Variants in TTC7B observed in about 807,000 individuals in gnomAD.
TTC7B encodes tetratricopeptide repeat domain 7B.
Under a neutral mutation model 106.8 loss-of-function variants are expected in TTC7B, and 28 were observed. The ratio of observed to expected loss-of-function variants is 0.26; its 90% CI spans 0.19 to 0.36. TTC7B has a LOEUF of 0.36. TTC7B is among the 10% of genes least tolerant of loss of function. The probability of loss-of-function intolerance (pLI) is 1.00; values close to 1 mark genes in which losing one functional copy is unlikely to be tolerated. For missense variants in TTC7B, 862 were observed against 1,076.4 expected, an observed-to-expected ratio of 0.80 and a Z score of 2.79; for synonymous variants, 405 against 430.6, an observed-to-expected ratio of 0.94 and a Z score of 0.74.
intron 3 of TTC7B, among the ~76,000 whole-genome samples, chr14:90,752,690 C>T (rs1268328207): frequency 2.0e-5 from 3 of 152,194 alleles, no homozygotes; most frequent in African/African-American, 7.2e-5. Flanking sequence ...CCACAGCCAC[C>T]CTGAGAGGAA....
intron 17 of TTC7B, among the ~76,000 whole-genome samples, chr14:90,594,677 T>C (rs564466191): frequency 1.3e-5 from 2 of 152,328 alleles, no homozygotes; most frequent in South Asian, 4.1e-4. Flanking sequence ...CAACTCATCA[T>C]AAAGTTTAAA....
chr14:90,715,913 C>T (rs1888637546), intron 5 of TTC7B, among the ~76,000 whole-genome samples: 1 of 152,216 alleles, frequency 6.6e-6, no homozygotes, highest in Non-Finnish European at 1.5e-5. Context: ...CTTCCGCCTT[C>T]CTCCTCTCCT....
At chr14:90,603,265 G>C in intron 17 of TTC7B, 1 of 1,289,816 alleles carries the variant, frequency 7.8e-7, no homozygotes. Context: ...ACTGAAAAAA[G>C]GGAAGGAAAA....
At chr14:90,630,480 T>C (rs1354214368) in intron 15 of TTC7B, among the ~76,000 whole-genome samples, 1 of 152,232 alleles carries the variant, frequency 6.6e-6, no homozygotes, top group Non-Finnish European at 1.5e-5. Context: ...CTTTAAAATG[T>C]AGTAAAATAT....
At chr14:90,581,616 C>T (rs1788237870) in intron 18 of TTC7B, among the ~76,000 whole-genome samples, 1 of 152,100 alleles carries the variant, frequency 6.6e-6, no homozygotes, top group African/African-American at 2.4e-5. Context: ...GATCCCAGTC[C>T]TGGAGATGCT....
At position 90,532,310 on chromosome 14, in the gene TTC7B, TAA is replaced by T. The variant is rs1273268094; in HGVS notation, c.*9056_*9057del. 6.6e-6 allele frequency: 1 copy of T among 152,226 alleles called. No individual in the cohort carries two copies. Among genetic ancestry groups the T allele is most frequent in the Non-Finnish European group, 1.5e-5 (1 of 68,044 alleles). 9.4% of individuals were successfully genotyped at this position (152,226 alleles called of 1,614,324 possible). ...AAAGAAAGAAACTCTGGAGATAATT[TAA>T]AGTTGATCCCCTATTTGTACATTAC... On this transcript the variant is annotated 3_prime_UTR_variant, in exon 20 of 20. Transcript: ENST00000328459.
intron 15 of TTC7B, among the ~76,000 whole-genome samples, chr14:90,619,644 C>CGCTGTCAATGTCCTTGGAAGAA (rs1893229534): frequency 6.6e-6 from 1 of 152,208 alleles, no homozygotes; most frequent in African/African-American, 2.4e-5. Context: ...GCACTTCACA[C>CGCTGTCAATGTCCTTGGAAGAA]GCTGTCAATG....
At chr14:90,557,054 G>A (rs1014997814) in intron 19 of TTC7B, among the ~76,000 whole-genome samples, 9 of 152,010 alleles carry the variant, frequency 5.9e-5, no homozygotes, top group Non-Finnish European at 1.3e-4. Flanking sequence ...CTTCCTGGGA[G>A]CCCCACGGCC....
At chr14:90,776,254 C>G (rs987469196) in intron 3 of TTC7B, among the ~76,000 whole-genome samples, 2 of 151,636 alleles carry the variant, frequency 1.3e-5, no homozygotes, top group African/African-American at 4.9e-5. Flanking sequence ...TTGGTAGCAG[C>G]CTGCATCAGG....
chr14:90,610,934 AC>A (rs3215800), intron 16 of TTC7B, 95 bp from the exon 17 acceptor site: 86,403 of 833,196 alleles, frequency 0.1, 4,965 homozygotes, highest in South Asian at 0.15. Context: ...GCCAATGAAT[AC>A]TTTCTGTGCA....
At chr14:90,788,935 C>G (rs965298269) in intron 1 of TTC7B, among the ~76,000 whole-genome samples, 1 of 151,378 alleles carries the variant, frequency 6.6e-6, no homozygotes, top group Admixed American at 6.6e-5. Flanking sequence ...TGCACTCCAG[C>G]TTGGCAACAG....
chr14:90,543,871 G>C (rs1012991538), intron 19 of TTC7B, among the ~76,000 whole-genome samples: 3 of 152,250 alleles, frequency 2.0e-5, no homozygotes, highest in Non-Finnish European at 2.9e-5. Context: ...CAACAGGCAA[G>C]AGGGCAGCAG....
intron 3 of TTC7B, among the ~76,000 whole-genome samples, chr14:90,769,661 C>T (rs1417707941): frequency 1.3e-5 from 2 of 152,008 alleles, no homozygotes; most frequent in Admixed American, 6.6e-5. Context: ...CCCAGCTACT[C>T]GGGAGGCTGA....
intron 17 of TTC7B, among the ~76,000 whole-genome samples, chr14:90,597,694 C>G (rs1213325244): frequency 6.6e-6 from 1 of 151,994 alleles, no homozygotes. Flanking sequence ...AAAAAAAACC[C>G]TGTACTGTAT....
chr14:90,608,271 C>G lies in TTC7B; in HGVS notation c.1966+2471G>C, dbSNP rs1264572912. ...ACACTGTCATTTCAGAATATTTTAC[C>G]CTCGTTTACAAATATGATAAGGCCT... is the stretch of plus-strand genomic sequence containing the variant. On this transcript the variant is annotated intron_variant, in intron 17 of 19. Coordinates refer to ENST00000328459, the MANE Select transcript of TTC7B (RefSeq NM_001010854.2). The surrounding 1 kb of genome is among the most constrained non-coding windows in gnomAD (Gnocchi z 5.1). 6.6e-6 allele frequency among the ~76,000 whole-genome samples: 1 copy of G among 152,130 alleles called. No homozygotes were observed. Among genetic ancestry groups the G allele is most frequent in the East Asian group, 1.9e-4 (1 of 5,196 alleles).
At chr14:90,797,946 C>T (rs1249687371) in intron 1 of TTC7B, among the ~76,000 whole-genome samples, 1 of 152,178 alleles carries the variant, frequency 6.6e-6, no homozygotes, top group Non-Finnish European at 1.5e-5. Context: ...TACGAAAGGC[C>T]ATGTCTTCAC....
rs1302443439 is a variant in TTC7B, at chr14:90,681,617, C to G, written c.951-1082G>C. Among the ~76,000 whole-genome samples the G allele has an allele frequency of 2.0e-5, 3 of 152,182 alleles. No homozygotes were observed. In the East Asian group the frequency reaches 5.8e-4, roughly 29 times the overall value. On this transcript the variant is annotated intron_variant, in intron 7 of 19. Transcript: ENST00000328459. ...AATGCAGCGCCTGGTATTCTCGTTA[C>G]AATGCTGATACCGCTGGAGGTAAGG...
intron 18 of TTC7B, among the ~76,000 whole-genome samples, chr14:90,582,771 C>G (rs1168260765): frequency 1.3e-5 from 2 of 152,212 alleles, no homozygotes; most frequent in Admixed American, 1.3e-4. Flanking sequence ...CCCCTTAAGA[C>G]AATGACTCTG....
At chr14:90,750,129 A>G (rs1282249797) in intron 3 of TTC7B, among the ~76,000 whole-genome samples, 2 of 152,364 alleles carry the variant, frequency 1.3e-5, no homozygotes, top group East Asian at 3.9e-4. Context: ...AAGCTACTCA[A>G]AAGCAAATCG....
Sources: allele counts gnomAD v4.1 joint callset (sites outside exome capture counted in the v4.1 genomes callset), GRCh38; gene constraint gnomAD v4.1.1; non-coding constraint Gnocchi (gnomAD v3.1); transcripts MANE v1.5; gene names NCBI Gene and HGNC (gene_info 2026-07-23, HGNC 2026-07-21).